The following ZNF318 variants were observed in gnomAD, a reference collection of about 807,000 sequenced individuals.
ZNF318 encodes zinc finger protein 318, also known as endocrine regulator.
A neutral mutation model predicts 124.2 loss-of-function variants in ZNF318; 51 were observed. The ratio of observed to expected loss-of-function variants is 0.41; its 90% CI spans 0.33 to 0.52. The LOEUF (loss-of-function observed/expected upper bound fraction) is 0.52. Among genes scored for constraint, ZNF318 ranks in the 20% least tolerant of loss-of-function variants. ZNF318 has a pLI of 0.23. For missense variants in ZNF318, 2,815 were observed against 2,811.2 expected, an observed-to-expected ratio of 1.00 and a Z score of -0.03; for synonymous variants, 1,090 against 1,040.7, an observed-to-expected ratio of 1.05 and a Z score of -0.91.
intron 5 of ZNF318, among the ~76,000 whole-genome samples, chr6:43,350,922 T>C (rs759961347): frequency 2.6e-5 from 4 of 152,224 alleles, no homozygotes; most frequent in Non-Finnish European, 5.9e-5. Context: ...AATATTTACA[T>C]AGTCTCAAAG....
chr6:43,359,187 C>T (rs902573292), intron 2 of ZNF318, among the ~76,000 whole-genome samples: 2 of 152,122 alleles, frequency 1.3e-5, no homozygotes, highest in Non-Finnish European at 2.9e-5. Flanking sequence ...GTTTTGTCAC[C>T]CTCTTTGCCT....
rs779717001 is a variant in ZNF318, at chr6:43,338,727, C to A, written c.5271G>T (p.Gln1757His). The A allele has an allele frequency of 5.6e-5, 91 of 1,614,016 alleles. No homozygotes were observed. The highest frequency in any genetic ancestry group is 6.6e-5 in the Non-Finnish European group (78 of 1,180,024). ...TACGGAGCTCTTGGCTTTCCTTATC[C>A]TGGTTAACAGATTCTCTGAGGTGGA... ...VEIHLRESVNQDKESQELRKS... is the reference protein window; with the variant it reads ...VEIHLRESVNHDKESQELRKS... The change falls in exon 10 of 10, where the codon CAG (glutamine) becomes CAT (histidine). Residue 1757 changes from glutamine to histidine, a missense_variant. By Grantham distance (24) the Gln-to-His change is conservative. Transcript: ENST00000361428.
intron 6 of ZNF318, 133 bp downstream of exon 6, chr6:43,348,191 C>G (rs1581642767): frequency 2.2e-6 from 2 of 911,692 alleles, no homozygotes; most frequent in Non-Finnish European, 3.4e-6. Context: ...GTACCACACT[C>G]TGATCTATAC....
rs1333881904 is a variant in ZNF318 at position 43,355,693 on chromosome 6, C to T, written c.1641G>A (p.Lys547=). 1.2e-6 allele frequency: 2 copies of T among 1,614,172 alleles called. No individual in the cohort carries two copies. Among genetic ancestry groups the T allele is most frequent in the Admixed American group, 3.3e-5 (2 of 60,024 alleles). The part of the protein sequence containing the change: ...FLYGDEEEDL[K]AESVPKPLGS... Reference sequence around the variant, plus strand: ...CAAGGGGCTTTGGTACGGATTCTGCCTTTAAATCCTCTTCTTCATCCCCAT... The same window carrying T: ...CAAGGGGCTTTGGTACGGATTCTGCTTTTAAATCCTCTTCTTCATCCCCAT... The change falls in exon 4 of 10, where the codon AAG becomes AAA. Residue 547 remains lysine (K), a synonymous_variant. Coordinates refer to ENST00000361428, the MANE Select transcript of ZNF318 (RefSeq NM_014345.3).
chr6:43,340,787 A>C lies in ZNF318; in HGVS notation c.3495+3T>G. On this transcript the variant is annotated splice_donor_region_variant and intron_variant, in intron 9 of 9. Coordinates refer to ENST00000361428, the MANE Select transcript of ZNF318 (RefSeq NM_014345.3). ...AACTCCACAGCCTACTACAAAGACC[A>C]ACCTTGTATTTCTCATTGTGTTGGT... The C allele has an allele frequency of 6.2e-7, 1 of 1,609,472 alleles. No individual in the cohort carries two copies. Among genetic ancestry groups the C allele is most frequent in the Non-Finnish European group, 8.5e-7 (1 of 1,175,696 alleles).
At chr6:43,358,474 G>A (rs1779641496) in intron 2 of ZNF318, among the ~76,000 whole-genome samples, 1 of 145,946 alleles carries the variant, frequency 6.9e-6, no homozygotes. Flanking sequence ...ATGTTAGCCA[G>A]GATGGTCTTG....
chr6:43,360,145 T>A (rs1050105578), intron 2 of ZNF318, among the ~76,000 whole-genome samples: 2 of 152,132 alleles, frequency 1.3e-5, no homozygotes, highest in Non-Finnish European at 2.9e-5. Context: ...CATGTCACCA[T>A]GAAACGGCAT....
At position 43,357,292 on chromosome 6, in the gene ZNF318, C is replaced by T; in HGVS notation, c.1022G>A (p.Gly341Glu). The T allele has an allele frequency of 6.2e-7, 1 of 1,614,228 alleles. No homozygotes were observed. The highest frequency in any genetic ancestry group is 8.5e-7 in the Non-Finnish European group (1 of 1,180,044). ...ACAGCCAGTACCACCACCATCAACT[C>T]CAACCAGCTCCTGACTCAAGCTCCT... Reference protein sequence around the residue: ...RSRSLSQELVGVDGGGTGCSI... With the variant: ...RSRSLSQELVEVDGGGTGCSI... The change falls in exon 3 of 10, where the codon GGA becomes GAA. Residue 341 changes from glycine to glutamate, a missense_variant. Physicochemically the swap from Gly to Glu is moderately conservative, Grantham distance 98. This residue lies in a region of ZNF318 where 1,377 missense variants were observed against 1,353.5 expected (regional missense o/e 1.02). Coordinates refer to ENST00000361428, the MANE Select transcript of ZNF318 (RefSeq NM_014345.3).
chr6:43,349,386 CTTTT>C (rs369338217), intron 5 of ZNF318, among the ~76,000 whole-genome samples: 1 of 124,168 alleles, frequency 8.1e-6, no homozygotes. Context: ...TCTGGTTTAT[CTTTT>C]TTTTTTTTTT....
intron 5 of ZNF318, 120 bp from the exon 6 acceptor site, chr6:43,348,745 T>G: frequency 8.3e-7 from 1 of 1,205,850 alleles, no homozygotes; most frequent in Non-Finnish European, 1.1e-6. Flanking sequence ...CAAACGTTTC[T>G]AAGAGTGGCT....
rs760511599 is a variant in ZNF318, at chr6:43,339,993, A to G, written c.4005T>C (p.Pro1335=). The part of the protein sequence containing the change: ...SGKTVVAHTS[P]WMPVVTTSTQ... The stretch of plus-strand genomic sequence containing the variant: ...TGGAAGTTGTCACAACAGGCATCCA[A>G]GGGCTGGTATGTGCAACAACAGTTT... Residue 1335 remains proline (P), a synonymous_variant, in exon 10 of 10, where the codon CCT becomes CCC. Transcript: ENST00000361428. The surrounding 1 kb of genome is among the most constrained non-coding windows in gnomAD (Gnocchi z 4.2). 5 of 1,614,094 alleles carry G rather than the reference A, an allele frequency of 3.1e-6. No homozygotes were observed. Among genetic ancestry groups the G allele is most frequent in the Non-Finnish European group, 4.2e-6 (5 of 1,180,030 alleles).
rs779717001 is a variant in ZNF318 at position 43,338,727 on chromosome 6, C to G, written c.5271G>C (p.Gln1757His). The G allele has an allele frequency of 4.3e-6, 7 of 1,614,136 alleles. No individual in the cohort carries two copies. In the South Asian group the frequency reaches 6.6e-5, roughly 15 times the overall value. The change falls in exon 10 of 10, where the codon CAG becomes CAC. Residue 1757 changes from glutamine to histidine, a missense_variant. By Grantham distance (24) the Gln-to-His change is conservative. Around this residue, in one of 4 missense-constraint regions of ZNF318, gnomAD observed 927 missense variants for 820.6 expected, o/e 1.13. Transcript: ENST00000361428. ...VEIHLRESVN[Q>H]DKESQELRKS... is the part of the protein sequence containing the mutation. ...TACGGAGCTCTTGGCTTTCCTTATC[C>G]TGGTTAACAGATTCTCTGAGGTGGA...
At chr6:43,352,236 T>C (rs1779539433) in intron 5 of ZNF318, 141 bp downstream of exon 5, 1 of 649,176 alleles carries the variant, frequency 1.5e-6, no homozygotes, top group Non-Finnish European at 2.7e-6. Flanking sequence ...TGCACTATTA[T>C]TGCAACTTTT....
At chr6:43,348,200 A>T in intron 6 of ZNF318, 124 bp downstream of exon 6, 1 of 984,202 alleles carries the variant, frequency 1.0e-6, no homozygotes, top group Non-Finnish European at 1.5e-6. Flanking sequence ...TCTGATCTAT[A>T]CTGTAAGAAA....
At position 43,337,442 on chromosome 6, in the gene ZNF318, T is replaced by C. The variant is rs1252279502; in HGVS notation, c.6556A>G (p.Lys2186Glu). The C allele has an allele frequency of 1.2e-6, 2 of 1,614,102 alleles. No homozygotes were observed. Among genetic ancestry groups the C allele is most frequent in the African/African-American group, 1.3e-5 (1 of 74,938 alleles). Reference protein sequence around the residue: ...VTRTSGVQKDKLCSPLSEPGD... With the variant: ...VTRTSGVQKDELCSPLSEPGD... ...GGCTCAGAGAGTGGAGAACACAGTT[T>C]ATCTTTTTGAACTCCAGAGGTCCGT... The change falls in exon 10 of 10, where the codon AAA becomes GAA. Residue 2186 changes from lysine to glutamate, a missense_variant. Physicochemically the swap from Lys to Glu is moderately conservative, Grantham distance 56 (BLOSUM62 1). Coordinates refer to ENST00000361428, the MANE Select transcript of ZNF318 (RefSeq NM_014345.3).
In ZNF318 at chr6:43,369,533, G is replaced by T; in HGVS notation, c.-168C>A. The T allele has an allele frequency of 3.3e-6, 1 of 307,126 alleles. No individual in the cohort carries two copies. Among genetic ancestry groups the T allele is most frequent in the Non-Finnish European group, 4.8e-6 (1 of 210,102 alleles). 19.0% of individuals were successfully genotyped at this position (307,126 alleles called of 1,614,324 possible). ...GGCCCCGCGTCGCCCCGGGGGCCCG[G>T]CCGAGCGCGCCCCCGCGGCTGGCGG... On this transcript the variant is annotated 5_prime_UTR_variant, in exon 1 of 10. Transcript: ENST00000361428.
rs1253688934 is a variant in ZNF318, at chr6:43,340,218, T to C, written c.3780A>G (p.Lys1260=). ...TTGGTGATTCCTTCTTTACCTCTTC[T>C]TTTAACTGGAGTTTGATGCCAGTGT... ...KRNTGIKLQL[K]EEVKKESPTS... is the part of the protein sequence containing the mutation. The change falls in exon 10 of 10, where the codon AAA becomes AAG. Residue 1260 remains lysine, a synonymous_variant. Coordinates refer to ENST00000361428, the MANE Select transcript of ZNF318 (RefSeq NM_014345.3). 2 of 1,614,244 alleles carry C rather than the reference T, an allele frequency of 1.2e-6. No individual in the cohort carries two copies. Among genetic ancestry groups the C allele is most frequent in the South Asian group, 1.1e-5 (1 of 91,084 alleles).
intron 5 of ZNF318, among the ~76,000 whole-genome samples, chr6:43,349,017 G>A (rs1231562801): frequency 1.3e-5 from 2 of 152,198 alleles, no homozygotes; most frequent in Non-Finnish European, 2.9e-5. Flanking sequence ...CTGGGTGATA[G>A]TGAGAGACTC....
intron 5 of ZNF318, among the ~76,000 whole-genome samples, chr6:43,349,293 G>T (rs990032092): frequency 1.3e-5 from 2 of 151,584 alleles, no homozygotes; most frequent in African/African-American, 4.8e-5. Flanking sequence ...GAGGGCTGAA[G>T]AATTATTTAG....
Sources: gnomAD v4.1 joint callset for allele counts (sites outside exome capture counted in the v4.1 genomes callset) on GRCh38, gnomAD v4.1.1 for gene constraint, gnomAD v4.1.1 regional missense constraint, Gnocchi (gnomAD v3.1) non-coding constraint, MANE v1.5 for transcripts, NCBI Gene and HGNC (gene_info 2026-07-23, HGNC 2026-07-21) for gene names.